PRH1: variants seen among roughly 807,000 people sequenced by gnomAD.
PRH1 encodes the protein proline rich protein HaeIII subfamily 1.
Under a neutral mutation model 7.9 loss-of-function variants are expected in PRH1, and 7 were observed. The observed-to-expected ratio is 0.89, with a 90% CI of 0.50 to 1.67. PRH1 has a LOEUF of 1.67. Ranked by LOEUF, PRH1 falls within the 40% of genes most tolerant of loss-of-function variation. PRH1 has a pLI of 0.00. For synonymous variants in PRH1, 45 were observed against 80.8 expected, an observed-to-expected ratio of 0.56 and a Z score of 2.38; for missense variants, 109 against 223.6, an observed-to-expected ratio of 0.49 and a Z score of 3.27.
At chr12:10,955,456 C>T (rs1768035837) in intron 2 of PRH1, among the ~76,000 whole-genome samples, 1 of 151,978 alleles carries the variant, frequency 6.6e-6, no homozygotes, top group African/African-American at 2.4e-5. Context: ...AAGTTCGTAG[C>T]AATAAACACT....
rs1944954714 is a variant in PRH1 at position 11,092,429 on chromosome 12, C to T, written n.124-45241G>A. ...GAGAAGAGAGAAAGGACAAAGCTTCCACAGAGTGAAAGGCAACCCAGGTAG... is the reference window on the plus strand; with the variant it reads ...GAGAAGAGAGAAAGGACAAAGCTTCTACAGAGTGAAAGGCAACCCAGGTAG... On this transcript the variant is annotated intron_variant and non_coding_transcript_variant, in intron 1 of 4. Transcript: ENST00000541977. 15 of 322,760 alleles carry T rather than the reference C, an allele frequency of 4.6e-5. 4 individuals carry two copies. The highest frequency in any genetic ancestry group is 8.4e-5 in the Non-Finnish European group (14 of 165,942). The allele number at this position is 322,760 out of a possible 1,614,324, so 20.0% of individuals were successfully genotyped here. A position where few individuals can be genotyped will look rare whatever the true frequency, so the allele number is the denominator to read the frequency against.
At position 11,094,299 on chromosome 12, in the gene PRH1, C is replaced by CAAAAAAAAAAA. The variant is rs34742610; in HGVS notation, n.124-47122_124-47112dup. Among the ~76,000 whole-genome samples the CAAAAAAAAAAA allele has an allele frequency of 7.4e-5, 2 of 27,016 alleles. 1 individual carries two copies. Among genetic ancestry groups the CAAAAAAAAAAA allele is most frequent in the African/African-American group, 2.9e-4 (2 of 6,804 alleles). 17.7% of individuals were successfully genotyped at this position (27,016 alleles called of 152,430 possible). A position where few individuals can be genotyped will look rare whatever the true frequency, so the allele number is the denominator to read the frequency against. On this transcript the variant is annotated intron_variant and non_coding_transcript_variant, in intron 1 of 4. Coordinates refer to the PRH1 transcript ENST00000541977. The stretch of plus-strand genomic sequence containing the variant: ...CCTGAGTGACAGACCAAGACTCTGT[C>CAAAAAAAAAAA]AAAAAAAAAAAAAAAAAAAAAAAAA...
intron 1 of PRH1, among the ~76,000 whole-genome samples, chr12:11,057,108 G>A (rs34634642): frequency 0.2 from 30,680 of 150,656 alleles, 3,086 homozygotes; most frequent in Non-Finnish European, 0.26. Flanking sequence ...CTGGGCTCAA[G>A]CAATCCTCCT....
At chr12:10,929,361 T>C (rs771729682) in intron 2 of PRH1, 12 of 1,613,904 alleles carry the variant, frequency 7.4e-6, no homozygotes, top group East Asian at 2.2e-5. Context: ...GGGGAAGATA[T>C]TGTGACTCTG....
At chr12:11,062,835 A>G (rs2136185694) in intron 1 of PRH1, among the ~76,000 whole-genome samples, 1 of 152,174 alleles carries the variant, frequency 6.6e-6, no homozygotes. Context: ...ACAGAATCCA[A>G]ACTGCTTTTA....
chr12:10,996,807 G>C, intron 1 of PRH1: 1 of 597,630 alleles, frequency 1.7e-6, no homozygotes, highest in African/African-American at 1.9e-5. Context: ...AATAAACTTA[G>C]GTAAAAGACT....
intron 1 of PRH1, among the ~76,000 whole-genome samples, chr12:11,127,229 A>C (rs73266589): frequency 0.011 from 1,661 of 152,338 alleles, 19 homozygotes; most frequent in African/African-American, 0.038. Flanking sequence ...TTTCATACTG[A>C]TGTTGATGTG....
intron 2 of PRH1, among the ~76,000 whole-genome samples, chr12:10,919,942 T>C (rs1194578179): frequency 6.6e-6 from 1 of 151,360 alleles, no homozygotes; most frequent in Non-Finnish European, 1.5e-5. Context: ...TCTTGCTCTG[T>C]AGCCCAGGCT....
intron 1 of PRH1, among the ~76,000 whole-genome samples, chr12:11,143,134 C>T (rs944369092): frequency 4.6e-5 from 7 of 151,612 alleles, no homozygotes; most frequent in African/African-American, 1.7e-4. Context: ...AAATAGTTCC[C>T]GCAACCTTTG....
At chr12:11,059,349 T>C (rs1221608929) in intron 1 of PRH1, among the ~76,000 whole-genome samples, 1 of 152,212 alleles carries the variant, frequency 6.6e-6, no homozygotes, top group African/African-American at 2.4e-5. Flanking sequence ...TGTTCCTGTC[T>C]CAATTTCCAC....
At chr12:11,146,013 A>C (rs1050372311) in intron 1 of PRH1, among the ~76,000 whole-genome samples, 1 of 152,140 alleles carries the variant, frequency 6.6e-6, no homozygotes, top group African/African-American at 2.4e-5. Flanking sequence ...TGCATATCAA[A>C]AAGTATGTGT....
At chr12:11,047,430 G>A (rs999882176), upstream of PRH1, among the ~76,000 whole-genome samples, 5 of 151,866 alleles carry the variant, frequency 3.3e-5, no homozygotes, top group Non-Finnish European at 7.4e-5. Flanking sequence ...ATTAAGAATG[G>A]GAGACAAAGG....
At position 11,089,460 on chromosome 12, in the gene PRH1, G is replaced by A. The variant is rs1417757936; in HGVS notation, n.124-42272C>T. On this transcript the variant is annotated intron_variant and non_coding_transcript_variant, in intron 1 of 4. Transcript: ENST00000541977. ...AGCCAAGTACACGCATCTGATGACC[G>A]TCATGCTGTCTCTCTCACCTCACTG... Among the ~76,000 whole-genome samples, 16 of 24,732 alleles carry A rather than the reference G, an allele frequency of 6.5e-4. 4 individuals are homozygous for A. The highest frequency in any genetic ancestry group is 8.2e-4 in the Non-Finnish European group (5 of 6,068). 16.2% of individuals were successfully genotyped at this position (24,732 alleles called of 152,430 possible). A position where few individuals can be genotyped will look rare whatever the true frequency, so the allele number is the denominator to read the frequency against.
intron 1 of PRH1, among the ~76,000 whole-genome samples, chr12:10,980,840 T>G (rs1481197385): frequency 6.6e-6 from 1 of 152,168 alleles, no homozygotes; most frequent in Non-Finnish European, 1.5e-5. Context: ...TATTCAGTAC[T>G]GCTCACAGAG....
chr12:11,065,593 A>G (rs1943773772), intron 1 of PRH1, among the ~76,000 whole-genome samples: 2 of 152,200 alleles, frequency 1.3e-5, no homozygotes. Context: ...GATTCTCAAT[A>G]TTCATTACTC....
At chr12:11,021,356 T>G (rs995946568) in intron 1 of PRH1, among the ~76,000 whole-genome samples, 1 of 113,530 alleles carries the variant, frequency 8.8e-6, no homozygotes, top group Admixed American at 9.4e-5. Flanking sequence ...TTCTTAATTA[T>G]AAAGAGAGAT....
Position 10,986,021 on chromosome 12 carries a change from A to C in PRH1, c.-125-12300T>G, listed in dbSNP as rs1281058338. 1 of 1,613,846 alleles carries C rather than the reference A, an allele frequency of 6.2e-7. No homozygotes were observed. Among genetic ancestry groups the C allele is most frequent in the African/African-American group, 1.3e-5 (1 of 74,872 alleles). ...TGTGTTTTAGCTTCTTGGTTCTCCA[A>C]ATTAGGATGAATGAGTCGAATGCAA... On this transcript the variant is annotated intron_variant, in intron 1 of 3. Coordinates refer to the PRH1 transcript ENST00000539853.
At chr12:10,927,027 C>T (rs934673619) in intron 2 of PRH1, among the ~76,000 whole-genome samples, 1 of 152,152 alleles carries the variant, frequency 6.6e-6, no homozygotes, top group South Asian at 2.1e-4. Context: ...TTCCATCACC[C>T]CTTCTTTTGA....
intron 2 of PRH1, among the ~76,000 whole-genome samples, chr12:10,968,142 GT>G (rs1292773742): frequency 1.3e-5 from 2 of 152,128 alleles, no homozygotes; most frequent in East Asian, 3.9e-4. Context: ...TCATGAAATG[GT>G]TTATCTCTCT....
Sources: gnomAD v4.1 joint callset for allele counts (sites outside exome capture counted in the v4.1 genomes callset) on GRCh38, gnomAD v4.1.1 for gene constraint, MANE v1.5 for transcripts, NCBI Gene and HGNC (gene_info 2026-07-23, HGNC 2026-07-21) for gene names.